Variants in LRBA observed in about 807,000 individuals in gnomAD.
The protein encoded by LRBA is lipopolysaccharide-responsive and beige-like anchor protein.
In LRBA, 176 loss-of-function variants were observed where a neutral mutation model predicts 330.0. That is an observed-to-expected ratio of 0.53 (90% CI 0.47 to 0.60). The LOEUF (loss-of-function observed/expected upper bound fraction) is 0.60. LRBA is among the 20% of genes least tolerant of loss of function. The pLI, the probability that LRBA is intolerant of heterozygous loss-of-function variation, is 0.00. For synonymous variants in LRBA, 1,230 were observed against 1,193.0 expected (o/e 1.03, Z -0.64); for missense variants, 3,259 against 3,444.8 (o/e 0.95, Z 1.35).
At chr4:150,745,015 G>T (rs1035184688) in intron 35 of LRBA, among the ~76,000 whole-genome samples, 1 of 152,188 alleles carries the variant, frequency 6.6e-6, no homozygotes, top group Non-Finnish European at 1.5e-5. Flanking sequence ...ATGAGACAGG[G>T]AAGTATGGAC....
At chr4:150,799,080 T>C (rs1163790455) in intron 33 of LRBA, among the ~76,000 whole-genome samples, 2 of 152,184 alleles carry the variant, frequency 1.3e-5, no homozygotes, top group Non-Finnish European at 2.9e-5. Flanking sequence ...CCTTCCCCGT[T>C]TAAATACGAA....
chr4:150,912,557 A>G (rs2149484312), intron 9 of LRBA, among the ~76,000 whole-genome samples: 1 of 152,342 alleles, frequency 6.6e-6, no homozygotes, highest in African/African-American at 2.4e-5. Context: ...TAACAGAAAT[A>G]AAGTGCACAA....
At chr4:150,269,881 C>G (rs1290793771) in intron 56 of LRBA, among the ~76,000 whole-genome samples, 1 of 152,098 alleles carries the variant, frequency 6.6e-6, no homozygotes, top group Non-Finnish European at 1.5e-5. Context: ...GAGGTTGAGG[C>G]TTCAGTGAGC....
At chr4:150,528,907 T>C (rs1311566534) in intron 40 of LRBA, among the ~76,000 whole-genome samples, 1 of 152,196 alleles carries the variant, frequency 6.6e-6, no homozygotes, top group Non-Finnish European at 1.5e-5. Flanking sequence ...TATATATATT[T>C]ATATGAGATG....
intron 35 of LRBA, among the ~76,000 whole-genome samples, chr4:150,756,956 T>C (rs181385009): frequency 6.6e-6 from 1 of 152,200 alleles, no homozygotes; most frequent in Non-Finnish European, 1.5e-5. Context: ...TGATTCAAGA[T>C]ATCATAAAAC....
intron 46 of LRBA, among the ~76,000 whole-genome samples, chr4:150,431,318 T>C (rs931523255): frequency 6.6e-6 from 1 of 152,256 alleles, no homozygotes; most frequent in Non-Finnish European, 1.5e-5. Context: ...ATTGTCTGTT[T>C]ATTTTTAGAT....
chr4:150,953,266 A>G (rs1009307536), intron 2 of LRBA, among the ~76,000 whole-genome samples: 4 of 152,190 alleles, frequency 2.6e-5, no homozygotes, highest in Admixed American at 1.3e-4. Flanking sequence ...TAACCTCACG[A>G]ACATCTATAG....
At chr4:150,579,437 C>CGAA in intron 40 of LRBA, 1 of 420,368 alleles carries the variant, frequency 2.4e-6, no homozygotes, top group South Asian at 1.7e-5. Context: ...GTTTATTGCT[C>CGAA]GAATGATGTT....
intron 37 of LRBA, among the ~76,000 whole-genome samples, chr4:150,608,542 A>T (rs184128092): frequency 6.6e-6 from 1 of 152,360 alleles, no homozygotes; most frequent in African/African-American, 2.4e-5. Flanking sequence ...CATGCTCAAA[A>T]GGATGAAAAA....
At chr4:150,310,710 G>C (rs1178643549) in intron 51 of LRBA, 1 of 204,084 alleles carries the variant, frequency 4.9e-6, no homozygotes, top group Non-Finnish European at 9.8e-6. Flanking sequence ...ATCACAGTTA[G>C]GTTTGTGTTT....
Position 150,986,937 on chromosome 4 carries a change from A to G in LRBA, c.216+27490T>C, listed in dbSNP as rs191828605. ...TCCACCTTCTGCTAAAGAACAGAAA[A>G]AAATCATAGGATATTCCATTCGACC... is the stretch of plus-strand genomic sequence containing the variant. On this transcript the variant is annotated intron_variant, in intron 2 of 56. Coordinates refer to ENST00000651943, the MANE Select transcript of LRBA (RefSeq NM_001364905.1). Among the ~76,000 whole-genome samples the G allele has an allele frequency of 4.1e-3, 632 of 152,318 alleles. 4 individuals carry two copies. The highest frequency in any genetic ancestry group is 0.014 in the African/African-American group (568 of 41,582).
chr4:150,359,232 A>T (rs116107861), intron 47 of LRBA, among the ~76,000 whole-genome samples: 242 of 152,276 alleles, frequency 1.6e-3, no homozygotes, highest in African/African-American at 5.6e-3. Context: ...CATCTCTCTC[A>T]TCTATTCATT....
intron 18 of LRBA, among the ~76,000 whole-genome samples, chr4:150,872,026 C>G (rs1277750416): frequency 6.6e-6 from 1 of 152,012 alleles, no homozygotes; most frequent in Non-Finnish European, 1.5e-5. Context: ...ATTTGTGGAC[C>G]AGGTGATTTC....
chr4:150,909,588 C>T (rs1731737259), intron 9 of LRBA, among the ~76,000 whole-genome samples: 1 of 152,140 alleles, frequency 6.6e-6, no homozygotes, highest in African/African-American at 2.4e-5. Context: ...TTACTATGAA[C>T]ATGGATGGGC....
chr4:150,945,839 G>A (rs776674469), intron 2 of LRBA, among the ~76,000 whole-genome samples: 4 of 150,444 alleles, frequency 2.7e-5, no homozygotes, highest in Non-Finnish European at 5.9e-5. Context: ...TCGCTTTGTT[G>A]CCCAGGCTGG....
intron 2 of LRBA, among the ~76,000 whole-genome samples, chr4:150,930,401 G>C (rs71618357): frequency 6.6e-6 from 1 of 152,134 alleles, no homozygotes. Context: ...GCTGAGGCAG[G>C]AGAATCACTT....
At chr4:150,843,804 T>C (rs938564232) in intron 28 of LRBA, among the ~76,000 whole-genome samples, 2 of 152,320 alleles carry the variant, frequency 1.3e-5, no homozygotes, top group African/African-American at 4.8e-5. Context: ...ATTACAATAG[T>C]ACAGCTCAAT....
chr4:150,323,532 C>T (rs747344150), intron 49 of LRBA, among the ~76,000 whole-genome samples: 1 of 152,136 alleles, frequency 6.6e-6, no homozygotes, highest in Non-Finnish European at 1.5e-5. Flanking sequence ...CTCTGGTGGG[C>T]CAACTCTAAG....
chr4:150,796,365 C>T (rs1740791016), intron 34 of LRBA, among the ~76,000 whole-genome samples: 1 of 152,050 alleles, frequency 6.6e-6, no homozygotes, highest in South Asian at 2.1e-4. Flanking sequence ...ACATCTGGAG[C>T]TAATTCTAGC....
Sources: gnomAD v4.1 joint callset for allele counts (sites outside exome capture counted in the v4.1 genomes callset) on GRCh38, gnomAD v4.1.1 for gene constraint, MANE v1.5 for transcripts, NCBI Gene and HGNC (gene_info 2026-07-23, HGNC 2026-07-21) for gene names.